Variants in AMOTL1 observed in about 807,000 individuals in gnomAD.
AMOTL1 encodes angiomotin like 1.
Under a neutral mutation model 102.9 loss-of-function variants are expected in AMOTL1, and 45 were observed. The ratio of observed to expected loss-of-function variants is 0.44; its 90% confidence interval spans 0.34 to 0.56. The LOEUF is 0.56. Among genes scored for constraint, AMOTL1 ranks in the 20% least tolerant of loss-of-function variants. The pLI is 0.01. For synonymous variants in AMOTL1, 481 were observed against 484.7 expected, an observed-to-expected ratio of 0.99 and a Z score of 0.10; for missense variants, 1,114 against 1,225.6, an observed-to-expected ratio of 0.91 and a Z score of 1.36.
chr11:94,836,591 T>C (rs1465705445), intron 6 of AMOTL1, among the ~76,000 whole-genome samples: 1 of 152,200 alleles, frequency 6.6e-6, no homozygotes, highest in African/African-American at 2.4e-5. Context: ...TTATGCAGTG[T>C]CAGTATCAAA....
chr11:94,864,085 G>A (rs1261964300), intron 9 of AMOTL1, among the ~76,000 whole-genome samples: 2 of 152,166 alleles, frequency 1.3e-5, no homozygotes, highest in Non-Finnish European at 2.9e-5. Flanking sequence ...GAGAGGACCA[G>A]TCTCAGTTTT....
Position 94,795,171 on chromosome 11 carries a change from T to G in AMOTL1, c.199+11T>G. The G allele has an allele frequency of 6.2e-7, 1 of 1,612,878 alleles. No homozygotes were observed. Among genetic ancestry groups the G allele is most frequent in the Non-Finnish European group, 8.5e-7 (1 of 1,179,604 alleles). ...TCAGGGAAAAAGTTGGTAAGTCCTT[T>G]TACCGGCACTTGTGTTGGAAAAGCA... On this transcript the variant is annotated intron_variant, in intron 2 of 12. Coordinates refer to ENST00000433060, the MANE Select transcript of AMOTL1 (RefSeq NM_130847.3).
In AMOTL1 at chr11:94,751,231, T is replaced by A. The variant is rs540711446; in HGVS notation, c.136+10243T>A. Among the ~76,000 whole-genome samples the A allele has an allele frequency of 1.9e-3, 285 of 151,936 alleles. 1 individual carries two copies. The highest frequency in any genetic ancestry group is 3.7e-3 in the African/African-American group (154 of 41,462). ...GGCACTCAAAACTATATATATATATTTTTTTTATTTTTTAGACCACCAAAT... is the reference window on the plus strand; with the variant it reads ...GGCACTCAAAACTATATATATATATATTTTTTATTTTTTAGACCACCAAAT... On this transcript the variant is annotated intron_variant, in intron 3 of 4. Coordinates refer to the AMOTL1 transcript ENST00000299004.
intron 4 of AMOTL1, among the ~76,000 whole-genome samples, chr11:94,824,244 T>C (rs1951921821): frequency 6.6e-6 from 1 of 152,296 alleles, no homozygotes; most frequent in Middle Eastern, 3.4e-3. Flanking sequence ...ACAAGTACAG[T>C]AAGTCCTCAC....
chr11:94,779,672 A>G (rs1951079111), intron 1 of AMOTL1, among the ~76,000 whole-genome samples: 1 of 152,170 alleles, frequency 6.6e-6, no homozygotes, highest in South Asian at 2.1e-4. Flanking sequence ...CAACACCCAC[A>G]GAATAGGACA....
At chr11:94,744,867 T>G (rs1350638611) in intron 3 of AMOTL1, among the ~76,000 whole-genome samples, 1 of 152,214 alleles carries the variant, frequency 6.6e-6, no homozygotes, top group Admixed American at 6.5e-5. Context: ...AAGTGCAAGA[T>G]GAATGTTAGC....
At chr11:94,748,094 G>A (rs192592987) in intron 3 of AMOTL1, among the ~76,000 whole-genome samples, 3 of 152,300 alleles carry the variant, frequency 2.0e-5, no homozygotes, top group Non-Finnish European at 4.4e-5. Context: ...GGCCATGTGG[G>A]TGCTTGGTCT....
chr11:94,868,507 A>G (rs1455867890), intron 11 of AMOTL1, among the ~76,000 whole-genome samples: 2 of 152,128 alleles, frequency 1.3e-5, no homozygotes, highest in Non-Finnish European at 2.9e-5. Flanking sequence ...GAAGGGGGTA[A>G]GGAGAGGGCT....
rs191907860 is a variant in AMOTL1, at chr11:94,838,125, C to G, written c.1648+6584C>G. Among the ~76,000 whole-genome samples the G allele has an allele frequency of 1.3e-3, 203 of 152,288 alleles. 1 individual carries two copies. The highest frequency in any genetic ancestry group is 4.6e-3 in the African/African-American group (191 of 41,554). On this transcript the variant is annotated intron_variant, in intron 6 of 12. Transcript: ENST00000433060. Reference sequence around the variant, plus strand: ...TGTGTACTTTTTTCCACTGTAAACACTCATCACAACTGTAAATAAGTAATT... The same window carrying G: ...TGTGTACTTTTTTCCACTGTAAACAGTCATCACAACTGTAAATAAGTAATT...
At chr11:94,763,721 A>G (rs1472698642), upstream of AMOTL1, among the ~76,000 whole-genome samples, 1 of 152,242 alleles carries the variant, frequency 6.6e-6, no homozygotes, top group African/African-American at 2.4e-5. Context: ...AGAGATGATC[A>G]TCATAAAAGT....
intron 6 of AMOTL1, among the ~76,000 whole-genome samples, chr11:94,838,720 T>C (rs555297633): frequency 6.6e-6 from 1 of 152,352 alleles, no homozygotes; most frequent in South Asian, 2.1e-4. Context: ...CTTTGTAAAT[T>C]GCCTTAATGT....
chr11:94,779,729 C>T (rs1162801439), intron 1 of AMOTL1, among the ~76,000 whole-genome samples: 1 of 152,072 alleles, frequency 6.6e-6, no homozygotes, highest in African/African-American at 2.4e-5. Context: ...TTGATTTAGA[C>T]ATTTTTTTCA....
At chr11:94,864,634 CTG>C in intron 9 of AMOTL1, 99 bp from the exon 10 acceptor site, 1 of 1,495,652 alleles carries the variant, frequency 6.7e-7, no homozygotes, top group Non-Finnish European at 9.0e-7. Context: ...GAGCTGATCT[CTG>C]TTCCAGCATG....
At chr11:94,822,057 T>C (rs1046091014) in intron 4 of AMOTL1, among the ~76,000 whole-genome samples, 1 of 152,172 alleles carries the variant, frequency 6.6e-6, no homozygotes, top group South Asian at 2.1e-4. Context: ...AAGGGTCTAC[T>C]GTAGGAACAG....
chr11:94,869,025 C>G (rs1368151007), intron 11 of AMOTL1, among the ~76,000 whole-genome samples, 173 bp from the exon 12 acceptor site: 3 of 150,848 alleles, frequency 2.0e-5, no homozygotes, highest in Non-Finnish European at 4.4e-5. Flanking sequence ...TTTTTATTCT[C>G]TCAGTGTTTG....
intron 1 of AMOTL1, among the ~76,000 whole-genome samples, chr11:94,773,381 G>A (rs1950981032): frequency 6.6e-6 from 1 of 152,080 alleles, no homozygotes; most frequent in Non-Finnish European, 1.5e-5. Context: ...GTTCACTTTT[G>A]TCTGTCTTAA....
chr11:94,746,432 T>C (rs564889379), intron 3 of AMOTL1, among the ~76,000 whole-genome samples: 41 of 152,306 alleles, frequency 2.7e-4, no homozygotes, highest in African/African-American at 8.9e-4. Flanking sequence ...GGAGGATAGA[T>C]ATTTGGTTTG....
intron 3 of AMOTL1, among the ~76,000 whole-genome samples, chr11:94,801,660 G>A (rs1951481019): frequency 6.6e-6 from 1 of 152,150 alleles, no homozygotes; most frequent in Non-Finnish European, 1.5e-5. Flanking sequence ...TATGTGCTAA[G>A]AGAGGTAGGG....
At chr11:94,852,829 A>G (rs993243298) in intron 7 of AMOTL1, among the ~76,000 whole-genome samples, 2 of 152,214 alleles carry the variant, frequency 1.3e-5, no homozygotes, top group African/African-American at 4.8e-5. Flanking sequence ...AAAATTTTTT[A>G]TTTATGCACA....
Sources: gnomAD v4.1 joint callset for allele counts (sites outside exome capture counted in the v4.1 genomes callset) on GRCh38, gnomAD v4.1.1 for gene constraint, MANE v1.5 for transcripts, NCBI Gene and HGNC (gene_info 2026-07-23, HGNC 2026-07-21) for gene names.